Variants in YWHAZ observed in about 807,000 individuals in gnomAD.
YWHAZ encodes the protein 14-3-3 protein zeta/delta.
For missense variants in YWHAZ, 79 were observed against 284.8 expected, an observed-to-expected ratio of 0.28 and a Z score of 5.20; for synonymous variants, 87 against 103.6, an observed-to-expected ratio of 0.84 and a Z score of 0.97.
At position 100,948,263 on chromosome 8, in the gene YWHAZ, G is replaced by T; in HGVS notation, c.294+333C>A. 1.2e-6 allele frequency: 1 copy of T among 853,652 alleles called. No homozygotes were observed. The highest frequency in any genetic ancestry group is 1.7e-6 in the Non-Finnish European group (1 of 580,224). The allele number at this position is 853,652 out of a possible 1,614,324, so 52.9% of individuals were successfully genotyped here. A position where few individuals can be genotyped will look rare whatever the true frequency, so the allele number is the denominator to read the frequency against. On this transcript the variant is annotated intron_variant, in intron 2 of 5. Transcript: ENST00000395958. The surrounding 1 kb of genome is among the most constrained non-coding windows in gnomAD (Gnocchi z 4.2). The stretch of plus-strand genomic sequence containing the variant: ...CCTTTATCCACAGATGTACATTTAA[G>T]ATAACCAGCTATAGAGCTACTACAA...
chr8:100,936,741 CA>C (rs1302718656), intron 2 of YWHAZ, among the ~76,000 whole-genome samples: 1 of 152,062 alleles, frequency 6.6e-6, no homozygotes, highest in Non-Finnish European at 1.5e-5. Flanking sequence ...GCAGAGGTTG[CA>C]AAGTGAGCCA....
rs925564740 is a variant in YWHAZ at position 100,920,574 on chromosome 8, T to C, written c.*119A>G. On this transcript the variant is annotated 3_prime_UTR_variant, in exon 6 of 6. Transcript: ENST00000395958. ...CACATGGGAAATATAGAAATTCAAA[T>C]AGAAGTAACATAAACCTGTCATAAA... 6 of 933,536 alleles carry C rather than the reference T, an allele frequency of 6.4e-6. No individual in the cohort carries two copies. In the African/African-American group the frequency reaches 6.6e-5, roughly 10 times the overall value. 57.8% of individuals were successfully genotyped at this position (933,536 alleles called of 1,614,324 possible). A position where few individuals can be genotyped will look rare whatever the true frequency, so the allele number is the denominator to read the frequency against.
At chr8:100,928,935 A>T in intron 2 of YWHAZ, among the ~76,000 whole-genome samples, 1 of 152,290 alleles carries the variant, frequency 6.6e-6, no homozygotes. Flanking sequence ...TCTGTTCAGT[A>T]TGAGAAAACT....
At chr8:100,921,400 C>T (rs1010190429) in intron 5 of YWHAZ, among the ~76,000 whole-genome samples, 1 of 152,084 alleles carries the variant, frequency 6.6e-6, no homozygotes, top group East Asian at 1.9e-4. Flanking sequence ...GAAAGATGGA[C>T]GTCCAAGGTG....
chr8:100,938,845 G>A (rs1256973032), intron 2 of YWHAZ, among the ~76,000 whole-genome samples: 1 of 152,206 alleles, frequency 6.6e-6, no homozygotes, highest in South Asian at 2.1e-4. Context: ...AAATGCTAAT[G>A]ATTAGGAGGT....
At chr8:100,953,085 A>G, upstream of YWHAZ, 1 of 993,250 alleles carries the variant, frequency 1.0e-6, no homozygotes, top group Non-Finnish European at 1.2e-6. Flanking sequence ...CGCTTTAGGG[A>G]AGCCAGAGTT....
chr8:100,936,765 A>G (rs143636038), intron 2 of YWHAZ, among the ~76,000 whole-genome samples: 1 of 152,284 alleles, frequency 6.6e-6, no homozygotes, highest in African/African-American at 2.4e-5. Flanking sequence ...ATAGCTCGCC[A>G]CTGAAGTCCA....
At position 100,922,585 on chromosome 8, in the gene YWHAZ, C is replaced by A. The variant is rs879261132; in HGVS notation, c.678+1370G>T. ...ATTTTTAGTAGAGATGGGGTTTCAC[C>A]ATCTTGGCCAAGCTGTTCCTGAACT... On this transcript the variant is annotated intron_variant, in intron 5 of 5. Transcript: ENST00000395958. The surrounding 1 kb of genome is among the most constrained non-coding windows in gnomAD (Gnocchi z 4.1). The A allele has an allele frequency of 5.3e-5, 8 of 152,150 alleles. No individual in the cohort carries two copies. The highest frequency in any genetic ancestry group is 1.0e-4 in the Non-Finnish European group (7 of 68,088). The allele number at this position is 152,150 out of a possible 1,614,324, so 9.4% of individuals were successfully genotyped here.
At chr8:100,926,789 T>C (rs995570452) in intron 2 of YWHAZ, among the ~76,000 whole-genome samples, 2 of 152,262 alleles carry the variant, frequency 1.3e-5, no homozygotes, top group African/African-American at 4.8e-5. Context: ...ATGGTTGCTC[T>C]GTGGAGATCT....
At chr8:100,953,280 C>T (rs976089655), upstream of YWHAZ, 7 of 985,376 alleles carry the variant, frequency 7.1e-6, no homozygotes, top group African/African-American at 1.2e-4. Context: ...TTTTTATCTC[C>T]TAGAAGCAAG....
intron 2 of YWHAZ, among the ~76,000 whole-genome samples, chr8:100,935,774 C>T (rs968544479): frequency 6.6e-6 from 1 of 152,144 alleles, no homozygotes; most frequent in African/African-American, 2.4e-5. Flanking sequence ...AACTAAGAGG[C>T]AAGACAGGCA....
intron 2 of YWHAZ, among the ~76,000 whole-genome samples, chr8:100,945,522 A>G (rs1175407955): frequency 6.6e-6 from 1 of 152,164 alleles, no homozygotes; most frequent in African/African-American, 2.4e-5. Context: ...AAATATATAT[A>G]TCAAAGCCCA....
At chr8:100,925,401 T>A (rs1388833443) in intron 2 of YWHAZ, among the ~76,000 whole-genome samples, 1 of 152,180 alleles carries the variant, frequency 6.6e-6, no homozygotes, top group Non-Finnish European at 1.5e-5. Context: ...TTTCATGTGG[T>A]CATGACATGA....
At chr8:100,931,063 TAA>T (rs34861164) in intron 2 of YWHAZ, among the ~76,000 whole-genome samples, 25,923 of 152,034 alleles carry the variant, frequency 0.17, 2,780 homozygotes, top group East Asian at 0.48. Flanking sequence ...ATTTTAGAGA[TAA>T]AAGAGATTTT....
intron 1 of YWHAZ, chr8:100,951,256 G>A: frequency 1.0e-6 from 1 of 984,936 alleles, no homozygotes; most frequent in Non-Finnish European, 1.2e-6. Flanking sequence ...CGCCGCGCCA[G>A]GCCTGGGCTC....
chr8:100,935,872 A>T (rs1265473292), intron 2 of YWHAZ, among the ~76,000 whole-genome samples: 2 of 152,154 alleles, frequency 1.3e-5, no homozygotes, highest in African/African-American at 4.8e-5. Context: ...CTCCCTTCCA[A>T]TGCCAGGAAA....
rs71572094 is a variant in YWHAZ, at chr8:100,918,408, T to TTATATATATATATATATATATA, written c.*2263_*2284dup. On this transcript the variant is annotated 3_prime_UTR_variant, in exon 6 of 6. Transcript: ENST00000395958. ...AGTCTAGCTATAAAATATAATTACT[T>TTATATATATATATATATATATA]TATATATATATATATATATATATAT... 217 of 41,746 alleles carry TTATATATATATATATATATATA rather than the reference T, an allele frequency of 5.2e-3. 17 individuals are homozygous for TTATATATATATATATATATATA. Among genetic ancestry groups the TTATATATATATATATATATATA allele is most frequent in the Middle Eastern group, 0.024 (1 of 42 alleles). 2.6% of individuals were successfully genotyped at this position (41,746 alleles called of 1,614,324 possible). A position where few individuals can be genotyped will look rare whatever the true frequency, so the allele number is the denominator to read the frequency against.
At chr8:100,925,159 C>G in intron 2 of YWHAZ, 120 bp from the exon 3 acceptor site, 1 of 1,064,894 alleles carries the variant, frequency 9.4e-7, no homozygotes, top group African/African-American at 1.6e-5. Flanking sequence ...CAGTCACTGT[C>G]AATACAATTG....
intron 2 of YWHAZ, among the ~76,000 whole-genome samples, chr8:100,946,330 A>G (rs1810264217): frequency 6.6e-6 from 1 of 152,316 alleles, no homozygotes; most frequent in East Asian, 1.9e-4. Context: ...CCTGAGGTCA[A>G]GAGTTAGACG....
Sources: allele counts gnomAD v4.1 joint callset (sites outside exome capture counted in the v4.1 genomes callset), GRCh38; gene constraint gnomAD v4.1.1; non-coding constraint Gnocchi (gnomAD v3.1); transcripts MANE v1.5; gene names NCBI Gene and HGNC (gene_info 2026-07-23, HGNC 2026-07-21).